The following NUFIP2 variants were observed in gnomAD, a reference collection of about 807,000 sequenced individuals.
NUFIP2 encodes FMR1-interacting protein NUFIP2.
NUFIP2 carries 6 observed loss-of-function variants against 56.9 expected under a neutral mutation model. The ratio of observed to expected loss-of-function variants is 0.11; its 90% CI spans 0.06 to 0.21. NUFIP2 has a LOEUF of 0.21. Among genes scored for constraint, NUFIP2 ranks in the 10% least tolerant of loss-of-function variants. NUFIP2 has a pLI of 1.00. For missense variants in NUFIP2, 828 were observed against 826.8 expected (o/e 1.00, Z -0.02); for synonymous variants, 321 against 298.2 (o/e 1.08, Z -0.79).
chr17:29,287,500 C>T lies in NUFIP2; in HGVS notation c.494G>A (p.Gly165Glu). 1.2e-6 allele frequency: 2 copies of T among 1,613,914 alleles called. No individual in the cohort carries two copies. Among genetic ancestry groups the T allele is most frequent in the Non-Finnish European group, 1.7e-6 (2 of 1,179,938 alleles). ...TCCAGATTTATTTTCATAAGACTTC[C>T]CATTCTTTTTGTCCATACTGTTTTT... ...IQKNSMDKKN[G>E]KSYENKSGEN... The change falls in exon 2 of 4, where the codon GGG becomes GAG. Residue 165 changes from glycine (G) to glutamate (E), a missense_variant. By Grantham distance (98) the Gly-to-Glu change is moderately conservative (BLOSUM62 -2). Transcript: ENST00000225388.
chr17:29,280,953 C>T (rs35787393), intron 2 of NUFIP2, among the ~76,000 whole-genome samples: 7,835 of 150,730 alleles, frequency 0.052, 279 homozygotes, highest in South Asian at 0.16. Context: ...CCATTGTACT[C>T]CATCCTGGGT....
intron 2 of NUFIP2, among the ~76,000 whole-genome samples, chr17:29,277,444 TA>T (rs2069114597): frequency 6.6e-6 from 1 of 152,210 alleles, no homozygotes; most frequent in Admixed American, 6.5e-5. Flanking sequence ...AATTTATCAC[TA>T]ATCATGCCTT....
chr17:29,279,596 C>G (rs771394021), intron 2 of NUFIP2, among the ~76,000 whole-genome samples: 1 of 152,142 alleles, frequency 6.6e-6, no homozygotes, highest in African/African-American at 2.4e-5. Context: ...TGCAACAGCA[C>G]GATTATGGCT....
rs967373038 is a variant in NUFIP2 at position 29,263,571 on chromosome 17, G to T, written c.*968C>A. ...AGGTCTAAGTTTGTCTTAAATGTTT[G>T]ATGAAAAACAAGGAAAACAGCACAT... On this transcript the variant is annotated 3_prime_UTR_variant, in exon 4 of 4. Coordinates refer to ENST00000225388, the MANE Select transcript of NUFIP2 (RefSeq NM_020772.3). 6.6e-6 allele frequency: 1 copy of T among 152,560 alleles called. No homozygotes were observed. Among genetic ancestry groups the T allele is most frequent in the Non-Finnish European group, 1.5e-5 (1 of 68,020 alleles). 9.5% of individuals were successfully genotyped at this position (152,560 alleles called of 1,614,324 possible). A position where few individuals can be genotyped will look rare whatever the true frequency, so the allele number is the denominator to read the frequency against.
At chr17:29,272,430 C>T (rs1463916136) in intron 2 of NUFIP2, among the ~76,000 whole-genome samples, 7 of 151,874 alleles carry the variant, frequency 4.6e-5, no homozygotes, top group African/African-American at 9.7e-5. Context: ...TTAGTAGAGA[C>T]GGGGTTTCAC....
In NUFIP2 at chr17:29,292,881, CG is replaced by C. The variant is rs1375853349; in HGVS notation, c.277+901del. 1.6e-3 allele frequency among the ~76,000 whole-genome samples: 130 copies of C among 81,658 alleles called. 3 individuals carry two copies. Among genetic ancestry groups the C allele is most frequent in the South Asian group, 4.6e-3 (11 of 2,406 alleles). The allele number at this position is 81,658 out of a possible 152,430, so 53.6% of individuals were successfully genotyped here. A position where few individuals can be genotyped will look rare whatever the true frequency, so the allele number is the denominator to read the frequency against. On this transcript the variant is annotated intron_variant, in intron 1 of 3. Coordinates refer to ENST00000225388, the MANE Select transcript of NUFIP2 (RefSeq NM_020772.3). ...CGGGTTACACAACCCCGGCCGGCGA[CG>C]GGGGGGGGGGCGGCCGCGGTGCGGG...
chr17:29,260,863 G>A lies in NUFIP2; in HGVS notation c.*3676C>T, dbSNP rs2068998344. ...AAAATTCTAAAATGGAGAAACTCTG[G>A]CCATTTATTTCAAAGAAAAAAAAAT... On this transcript the variant is annotated 3_prime_UTR_variant, in exon 4 of 4. Coordinates refer to ENST00000225388, the MANE Select transcript of NUFIP2 (RefSeq NM_020772.3). 3 of 152,022 alleles carry A rather than the reference G, an allele frequency of 2.0e-5. No homozygotes were observed. The highest frequency in any genetic ancestry group is 6.6e-5 in the Admixed American group (1 of 15,262). The allele number at this position is 152,022 out of a possible 1,614,324, so 9.4% of individuals were successfully genotyped here.
chr17:29,283,261 A>T (rs1009979810), intron 2 of NUFIP2, among the ~76,000 whole-genome samples: 4 of 152,362 alleles, frequency 2.6e-5, no homozygotes, highest in Non-Finnish European at 5.9e-5. Flanking sequence ...CCAATTTAAA[A>T]ATGGCCTGCA....
intron 2 of NUFIP2, among the ~76,000 whole-genome samples, chr17:29,275,608 C>T (rs1035887078): frequency 6.6e-6 from 1 of 152,132 alleles, no homozygotes; most frequent in East Asian, 1.9e-4. Flanking sequence ...ATGTCATTGC[C>T]CTGGCTCAAG....
chr17:29,285,362 G>T (rs1390962578), intron 2 of NUFIP2, among the ~76,000 whole-genome samples: 2 of 151,868 alleles, frequency 1.3e-5, no homozygotes, highest in Non-Finnish European at 2.9e-5. Flanking sequence ...TTGGGAGGCC[G>T]TGGGTGGATC....
At position 29,262,710 on chromosome 17, in the gene NUFIP2, AC is replaced by A. The variant is rs1282330574; in HGVS notation, c.*1828del. 1 of 150,088 alleles carries A rather than the reference AC, an allele frequency of 6.7e-6. No homozygotes were observed. The highest frequency in any genetic ancestry group is 1.9e-4 in the East Asian group (1 of 5,158). The allele number at this position is 150,088 out of a possible 1,614,324, so 9.3% of individuals were successfully genotyped here. On this transcript the variant is annotated 3_prime_UTR_variant, in exon 4 of 4. Transcript: ENST00000225388. ...GCCTACCACAAGTTTCTGAACCTGGACTGATACAATAAGTTATTTTATATAT... is the reference window on the plus strand; with the variant it reads ...GCCTACCACAAGTTTCTGAACCTGGATGATACAATAAGTTATTTTATATAT...
At chr17:29,276,457 T>G (rs1295484820) in intron 2 of NUFIP2, among the ~76,000 whole-genome samples, 1 of 151,980 alleles carries the variant, frequency 6.6e-6, no homozygotes, top group East Asian at 1.9e-4. Flanking sequence ...CTTAGTCTCC[T>G]GAGTAGCTGG....
At chr17:29,266,256 C>T (rs768028525) in intron 3 of NUFIP2, among the ~76,000 whole-genome samples, 3 of 152,194 alleles carry the variant, frequency 2.0e-5, no homozygotes, top group Middle Eastern at 3.4e-3. Flanking sequence ...CGTGAGCCAC[C>T]GTGCCCAGCC....
rs564060281 is a variant in NUFIP2 at position 29,278,403 on chromosome 17, C to T, written c.2002+7589G>A. Among the ~76,000 whole-genome samples the T allele has an allele frequency of 4.6e-5, 7 of 152,016 alleles. No homozygotes were observed. The East Asian group carries it at 5.8e-4, about 13-fold the overall frequency. ...CTGGGACTACAGGTACCCGCCACTG[C>T]GCCCGGCTAATTTTTTGTATTTTTA... is the stretch of plus-strand genomic sequence containing the variant. On this transcript the variant is annotated intron_variant, in intron 2 of 3. Transcript: ENST00000225388.
chr17:29,271,199 C>T (rs748731538), intron 2 of NUFIP2, among the ~76,000 whole-genome samples: 15 of 152,014 alleles, frequency 9.9e-5, no homozygotes, highest in Non-Finnish European at 1.8e-4. Context: ...TATGATGTAC[C>T]TATAAAACTA....
Position 29,287,138 on chromosome 17 carries a change from G to A in NUFIP2, c.856C>T (p.Pro286Ser). ...SKPIWKYETGPGGTSRGKPAV... is the reference protein window; with the variant it reads ...SKPIWKYETGSGGTSRGKPAV... The stretch of plus-strand genomic sequence containing the variant: ...GGTTTTCCTCGACTTGTTCCTCCAG[G>A]CCCAGTTTCATACTTCCAAATGGGC... Residue 286 changes from proline to serine, a missense_variant, in exon 2 of 4, where the codon CCT becomes TCT. Physicochemically the swap from Pro to Ser is moderately conservative, Grantham distance 74. This residue lies in a region of NUFIP2 where 415 missense variants were observed against 408.7 expected (regional missense o/e 1.02). Coordinates refer to ENST00000225388, the MANE Select transcript of NUFIP2 (RefSeq NM_020772.3). 2.5e-6 allele frequency: 4 copies of A among 1,614,038 alleles called. No homozygotes were observed. Among genetic ancestry groups the A allele is most frequent in the South Asian group, 1.1e-5 (1 of 91,066 alleles).
chr17:29,275,466 T>C (rs1598432181), intron 2 of NUFIP2, among the ~76,000 whole-genome samples: 1 of 152,148 alleles, frequency 6.6e-6, no homozygotes, highest in South Asian at 2.1e-4. Flanking sequence ...AGTAAAGGTA[T>C]AGGATATAAG....
In NUFIP2 at chr17:29,294,080, T is replaced by C. The variant is rs769272702; in HGVS notation, c.-21A>G. The C allele has an allele frequency of 6.3e-7, 1 of 1,576,514 alleles. No homozygotes were observed. Among genetic ancestry groups the C allele is most frequent in the Non-Finnish European group, 8.6e-7 (1 of 1,158,976 alleles). ...TCCATTGAAAGCGGCTGGGACTCCC[T>C]GGCTGAGGCTGCGGGCTGCTGCACC... On this transcript the variant is annotated 5_prime_UTR_variant, in exon 1 of 4. Coordinates refer to ENST00000225388, the MANE Select transcript of NUFIP2 (RefSeq NM_020772.3).
rs776701751 is a variant in NUFIP2, at chr17:29,286,637, C to G, written c.1357G>C (p.Val453Leu). ...LTPISSGTDS[V>L]LQDMSLTSAA... is the part of the protein sequence containing the mutation. The stretch of plus-strand genomic sequence containing the variant: ...GAAGTTAGACTCATGTCCTGGAGAA[C>G]TGAATCTGTCCCAGAAGAGATGGGT... Residue 453 changes from valine (V) to leucine (L), a missense_variant, in exon 2 of 4, where the codon GTT (valine) becomes CTT (leucine). Val to Leu is a conservative substitution (Grantham distance 32). This residue lies in a region of NUFIP2 where 404 missense variants were observed against 380.3 expected (regional missense o/e 1.06). Transcript: ENST00000225388. 1 of 1,614,148 alleles carries G rather than the reference C, an allele frequency of 6.2e-7. No individual in the cohort carries two copies. The highest frequency in any genetic ancestry group is 8.5e-7 in the Non-Finnish European group (1 of 1,180,010).
Sources: allele counts gnomAD v4.1 joint callset (sites outside exome capture counted in the v4.1 genomes callset), GRCh38; gene constraint gnomAD v4.1.1; regional missense constraint gnomAD v4.1.1; transcripts MANE v1.5; gene names NCBI Gene and HGNC (gene_info 2026-07-23, HGNC 2026-07-21).